Variants in TULP4 observed in about 807,000 individuals in gnomAD.
The protein encoded by TULP4 is tubby-related protein 4.
TULP4 carries 16 observed loss-of-function variants against 129.0 expected under a neutral mutation model. The ratio of observed to expected loss-of-function variants is 0.12; its 90% confidence interval spans 0.08 to 0.19. The LOEUF is 0.19. Ranked by LOEUF, TULP4 falls within the 10% of genes least tolerant of loss-of-function variation. TULP4 has a pLI of 1.00. For missense variants in TULP4, 1,842 were observed against 2,059.1 expected, an observed-to-expected ratio of 0.89 and a Z score of 2.04; for synonymous variants, 998 against 854.0, an observed-to-expected ratio of 1.17 and a Z score of -2.94.
chr6:158,310,935 A>C (rs1779335963), upstream of TULP4, among the ~76,000 whole-genome samples: 1 of 152,154 alleles, frequency 6.6e-6, no homozygotes, highest in African/African-American at 2.4e-5. Context: ...TGCCGTATCA[A>C]AGATGTTCTT....
At chr6:158,483,141 CT>C (rs1779985770) in intron 8 of TULP4, among the ~76,000 whole-genome samples, 1 of 152,056 alleles carries the variant, frequency 6.6e-6, no homozygotes, top group Non-Finnish European at 1.5e-5. Context: ...TTTCTAAACC[CT>C]TTTGGGTGAT....
chr6:158,245,806 C>T (rs1323173760), intron 1 of TULP4, among the ~76,000 whole-genome samples: 1 of 152,126 alleles, frequency 6.6e-6, no homozygotes, highest in African/African-American at 2.4e-5. Context: ...AACATAGGCA[C>T]AGCACTTGGA....
intron 1 of TULP4, among the ~76,000 whole-genome samples, chr6:158,319,336 G>A (rs985801036): frequency 1.3e-5 from 2 of 152,078 alleles, no homozygotes; most frequent in Non-Finnish European, 2.9e-5. Context: ...TTCATTTAAG[G>A]GAATCATCAA....
Position 158,313,936 on chromosome 6 carries a change from A to C in TULP4, c.-81A>C. ...AGCAACGCAAGCCAACCACAAAAAC[A>C]CATATACCAATGAAAGAAATTGGTT... On this transcript the variant is annotated 5_prime_UTR_variant, in exon 1 of 14. Transcript: ENST00000367097. 6.5e-7 allele frequency: 1 copy of C among 1,531,300 alleles called. No individual in the cohort carries two copies. Among genetic ancestry groups the C allele is most frequent in the South Asian group, 1.3e-5 (1 of 79,898 alleles). The allele number at this position is 1,531,300 out of a possible 1,614,324, so 94.9% of individuals were successfully genotyped here.
intron 1 of TULP4, among the ~76,000 whole-genome samples, chr6:158,328,451 A>G (rs980155836): frequency 2.6e-5 from 4 of 151,852 alleles, no homozygotes; most frequent in African/African-American, 9.7e-5. Flanking sequence ...CTTGTTTTCA[A>G]TCCTTGTCAC....
At chr6:158,232,286 C>G (rs916230979) in exon 1 of TULP4, 4 of 148,048 alleles carry the variant, frequency 2.7e-5, no homozygotes, top group African/African-American at 9.8e-5. Context: ...CTGGGGCTGC[C>G]GCCACGGCCG....
intron 1 of TULP4, among the ~76,000 whole-genome samples, chr6:158,407,410 TG>T (rs1562553568): frequency 1.3e-5 from 2 of 152,184 alleles, no homozygotes; most frequent in African/African-American, 4.8e-5. Context: ...CCATTGCTAG[TG>T]GGGATGTAAG....
rs1210183173 is a variant in TULP4 at position 158,443,070 on chromosome 6, G to A, written c.544-5926G>A. Among the ~76,000 whole-genome samples, 7 of 151,776 alleles carry A rather than the reference G, an allele frequency of 4.6e-5. No individual in the cohort carries two copies. The East Asian group carries it at 5.8e-4, about 13-fold the overall frequency. On this transcript the variant is annotated intron_variant, in intron 3 of 13. Transcript: ENST00000367097. Reference sequence around the variant, plus strand: ...GCAATCTTGGCTCACTGCAACCTCCGCCTCCTGGGTTCAAGCGATTCTTCT... The same window carrying A: ...GCAATCTTGGCTCACTGCAACCTCCACCTCCTGGGTTCAAGCGATTCTTCT...
Position 158,314,252 on chromosome 6 carries a change from G to C in TULP4, c.236G>C (p.Arg79Pro). Residue 79 changes from arginine (R) to proline (P), a missense_variant, in exon 1 of 14, where the codon CGG becomes CCG. By Grantham distance (103) the Arg-to-Pro change is moderately radical (BLOSUM62 -2). Coordinates refer to ENST00000367097, the MANE Select transcript of TULP4 (RefSeq NM_020245.5). The stretch of plus-strand genomic sequence containing the variant: ...CCACAGAGGATAAATTTCAACCTCC[G>C]GGGCCACAATAGCGAGGTGAGCTGT... ...STPQRINFNL[R>P]GHNSEVVLVR... The C allele has an allele frequency of 1.2e-6, 2 of 1,613,728 alleles. No homozygotes were observed. Among genetic ancestry groups the C allele is most frequent in the Non-Finnish European group, 1.7e-6 (2 of 1,179,798 alleles).
At chr6:158,397,648 A>T (rs1248546534) in intron 1 of TULP4, among the ~76,000 whole-genome samples, 1 of 152,076 alleles carries the variant, frequency 6.6e-6, no homozygotes. Context: ...GCCCAGGGAA[A>T]CCAAAAGATT....
At chr6:158,331,944 G>A (rs1779904756) in intron 1 of TULP4, among the ~76,000 whole-genome samples, 1 of 148,376 alleles carries the variant, frequency 6.7e-6, no homozygotes, top group South Asian at 2.1e-4. Context: ...GGCTGAGGTG[G>A]GCGGATTACC....
At chr6:158,263,721 A>C (rs1778392036) in intron 1 of TULP4, among the ~76,000 whole-genome samples, 2 of 152,108 alleles carry the variant, frequency 1.3e-5, no homozygotes. Flanking sequence ...GCACCACTGC[A>C]CTTCAGCCTG....
intron 8 of TULP4, among the ~76,000 whole-genome samples, chr6:158,488,832 T>C (rs1206065060): frequency 6.6e-6 from 1 of 151,438 alleles, no homozygotes; most frequent in Non-Finnish European, 1.5e-5. Flanking sequence ...GGTGAGGGGA[T>C]GTGATAGCAC....
At chr6:158,430,907 C>T (rs569608275) in intron 3 of TULP4, among the ~76,000 whole-genome samples, 94 of 151,982 alleles carry the variant, frequency 6.2e-4, no homozygotes, top group African/African-American at 2.2e-3. Context: ...AATATGGAAC[C>T]GTAACTTTCA....
intron 6 of TULP4, among the ~76,000 whole-genome samples, chr6:158,462,049 C>CT (rs1214592459): frequency 4.6e-5 from 7 of 152,164 alleles, no homozygotes; most frequent in African/African-American, 1.4e-4. Flanking sequence ...ATTTTCTTCT[C>CT]TACTCTTAGT....
At chr6:158,302,078 A>T (rs1443192096) in intron 1 of TULP4, among the ~76,000 whole-genome samples, 1 of 152,208 alleles carries the variant, frequency 6.6e-6, no homozygotes, top group Non-Finnish European at 1.5e-5. Context: ...AATTGTTAAC[A>T]GTCAATTCTT....
intron 1 of TULP4, among the ~76,000 whole-genome samples, chr6:158,306,640 A>C (rs1453267240): frequency 1.3e-5 from 2 of 152,222 alleles, no homozygotes; most frequent in African/African-American, 4.8e-5. Flanking sequence ...TTATTGTTTC[A>C]GGGCTCCTTT....
At chr6:158,318,312 G>A (rs769821209) in intron 1 of TULP4, among the ~76,000 whole-genome samples, 1 of 152,020 alleles carries the variant, frequency 6.6e-6, no homozygotes, top group Non-Finnish European at 1.5e-5. Flanking sequence ...CCCACCCACC[G>A]CAAAGAAAAG....
intron 1 of TULP4, among the ~76,000 whole-genome samples, chr6:158,241,398 G>A (rs544816763): frequency 1.7e-4 from 24 of 139,978 alleles, no homozygotes; most frequent in Non-Finnish European, 3.3e-4. Context: ...GCAGGCGGCT[G>A]GGAGGTGTAG....
Sources: gnomAD v4.1 joint callset for allele counts (sites outside exome capture counted in the v4.1 genomes callset) on GRCh38, gnomAD v4.1.1 for gene constraint, MANE v1.5 for transcripts, NCBI Gene and HGNC (gene_info 2026-07-23, HGNC 2026-07-21) for gene names.